ADAMTSL4: variants seen among roughly 807,000 people sequenced by gnomAD.
The protein encoded by ADAMTSL4 is ADAMTS like 4.
In ADAMTSL4, 97 loss-of-function variants were observed where a neutral mutation model predicts 122.8. The ratio of observed to expected loss-of-function variants is 0.79; its 90% CI spans 0.67 to 0.93. The LOEUF is 0.93. ADAMTSL4 is among the 40% of genes least tolerant of loss of function. The pLI, the probability that ADAMTSL4 is intolerant of heterozygous loss-of-function variation, is 0.00. For synonymous variants in ADAMTSL4, 592 were observed against 568.0 expected (o/e 1.04, Z -0.60); for missense variants, 1,408 against 1,453.5 (o/e 0.97, Z 0.51).
In ADAMTSL4 at chr1:150,554,516, T is replaced by G; in HGVS notation, c.1234+49T>G. The G allele has an allele frequency of 6.2e-7, 1 of 1,611,640 alleles. No homozygotes were observed. ...GGCAGTGGTGGCTTGGAATTGGGGA[T>G]GAAGGGGAGAGGAGATACCTGCTTA... On this transcript the variant is annotated intron_variant, in intron 7 of 18. Coordinates refer to ENST00000271643, the MANE Select transcript of ADAMTSL4 (RefSeq NM_019032.6). The surrounding 1 kb of genome is among the most constrained non-coding windows in gnomAD (Gnocchi z 4.0).
chr1:150,556,364 T>A lies in ADAMTSL4; in HGVS notation c.1574T>A (p.Leu525Gln). The A allele has an allele frequency of 6.2e-7, 1 of 1,613,860 alleles. No homozygotes were observed. ...CAGCTCCGGCCTAGCTCCAACTACC[T>A]GGGTGAGCACCCAGCTGCCTCCCCT... Reference protein sequence around the residue: ...IAQLRPSSNYLALRGPGGRSI... With the variant: ...IAQLRPSSNYQALRGPGGRSI... The change falls in exon 9 of 19, where the codon CTG becomes CAG. Residue 525 changes from leucine to glutamine, a missense_variant and splice_region_variant. Leu to Gln is a moderately radical substitution (Grantham distance 113). Transcript: ENST00000271643. The surrounding 1 kb of genome is among the most constrained non-coding windows in gnomAD (Gnocchi z 4.1).
Position 150,553,903 on chromosome 1 carries a change from G to C in ADAMTSL4, c.912G>C (p.Ser304=). ...VAGRRPDPFP[S]VPRGRGQQGQ... Reference sequence around the variant, plus strand: ...GGAGACGCCCTGATCCTTTTCCTTCGGTCCCTCGGGGCCGAGGCCAGCAGG... The same window carrying C: ...GGAGACGCCCTGATCCTTTTCCTTCCGTCCCTCGGGGCCGAGGCCAGCAGG... The change falls in exon 6 of 19, where the codon TCG becomes TCC. Residue 304 remains serine (S), a synonymous_variant. Coordinates refer to ENST00000271643, the MANE Select transcript of ADAMTSL4 (RefSeq NM_019032.6). 1.9e-6 allele frequency: 3 copies of C among 1,612,826 alleles called. No homozygotes were observed. The highest frequency in any genetic ancestry group is 2.5e-6 in the Non-Finnish European group (3 of 1,179,602).
rs755089309 is a variant in ADAMTSL4 at position 150,559,721 on chromosome 1, G to C, written c.2944-40G>C. 4 of 1,613,430 alleles carry C rather than the reference G, an allele frequency of 2.5e-6. No individual in the cohort carries two copies. In the South Asian group the frequency reaches 4.4e-5, roughly 18 times the overall value. On this transcript the variant is annotated intron_variant, in intron 17 of 18. Transcript: ENST00000271643. The surrounding 1 kb of genome is among the most constrained non-coding windows in gnomAD (Gnocchi z 4.1). ...AGCCAGGGGTTAAGGAGAATCCCGGGCCTGGCAAAGGTCTGATATGATGGC... is the reference window on the plus strand; with the variant it reads ...AGCCAGGGGTTAAGGAGAATCCCGGCCCTGGCAAAGGTCTGATATGATGGC...
chr1:150,558,895 C>G (rs587751688), intron 15 of ADAMTSL4, 67 bp from the exon 16 acceptor site: 26 of 1,545,350 alleles, frequency 1.7e-5, no homozygotes, highest in Non-Finnish European at 2.2e-5. Flanking sequence ...TCCCTCCCTG[C>G]CCCCCTACTG....
At position 150,553,900 on chromosome 1, in the gene ADAMTSL4, T is replaced by C. The variant is rs765562631; in HGVS notation, c.909T>C (p.Pro303=). 5.0e-6 allele frequency: 8 copies of C among 1,613,376 alleles called. No individual in the cohort carries two copies. In the African/African-American group the frequency reaches 1.1e-4, roughly 22 times the overall value. The stretch of plus-strand genomic sequence containing the variant: ...CAGGGAGACGCCCTGATCCTTTTCC[T>C]TCGGTCCCTCGGGGCCGAGGCCAGC... ...QVAGRRPDPF[P]SVPRGRGQQG... is the part of the protein sequence containing the mutation. Residue 303 remains proline (P), a synonymous_variant, in exon 6 of 19, where the codon CCT becomes CCC. Coordinates refer to ENST00000271643, the MANE Select transcript of ADAMTSL4 (RefSeq NM_019032.6).
intron 12 of ADAMTSL4, 56 bp downstream of exon 12, chr1:150,557,391 C>T: frequency 6.2e-7 from 1 of 1,602,984 alleles, no homozygotes; most frequent in East Asian, 2.3e-5. Context: ...AACTGACACT[C>T]CCGCATCCTG....
rs587603047 is a variant in ADAMTSL4, at chr1:150,557,371, C to T, written c.2047+36C>T. 3 of 1,602,162 alleles carry T rather than the reference C, an allele frequency of 1.9e-6. No homozygotes were observed. In the South Asian group the frequency reaches 3.4e-5, roughly 18 times the overall value. On this transcript the variant is annotated intron_variant, in intron 12 of 18. Coordinates refer to ENST00000271643, the MANE Select transcript of ADAMTSL4 (RefSeq NM_019032.6). ...ACAGTGCGTTCCCCGCATCTCGGTCCAAACCCCCCAACTGACACTCCCGCA... is the reference window on the plus strand; with the variant it reads ...ACAGTGCGTTCCCCGCATCTCGGTCTAAACCCCCCAACTGACACTCCCGCA...
chr1:150,559,591 T>C lies in ADAMTSL4; in HGVS notation c.2943+125T>C, dbSNP rs1421810342. 6.4e-7 allele frequency: 1 copy of C among 1,554,448 alleles called. No individual in the cohort carries two copies. The highest frequency in any genetic ancestry group is 2.3e-5 in the East Asian group (1 of 44,378). On this transcript the variant is annotated intron_variant, in intron 17 of 18. Transcript: ENST00000271643. The surrounding 1 kb of genome is among the most constrained non-coding windows in gnomAD (Gnocchi z 4.1). ...AATAAGCCCAGCCAAGCGTTACCAC[T>C]GTCCTACTTCTTATAGACTTGGAGG...
At position 150,549,922 on chromosome 1, in the gene ADAMTSL4, C is replaced by T. The variant is rs923277085; in HGVS notation, c.-85+27C>T. Reference sequence around the variant, plus strand: ...TGGGTGCCCTTGATCCAGCTCAGCCCGATGGCAGAAGAGGTTGACAAAAAA... The same window carrying T: ...TGGGTGCCCTTGATCCAGCTCAGCCTGATGGCAGAAGAGGTTGACAAAAAA... On this transcript the variant is annotated intron_variant, in intron 2 of 18. Coordinates refer to ENST00000271643, the MANE Select transcript of ADAMTSL4 (RefSeq NM_019032.6). The surrounding 1 kb of genome is among the most constrained non-coding windows in gnomAD (Gnocchi z 5.0). 3 of 244,274 alleles carry T rather than the reference C, an allele frequency of 1.2e-5. No individual in the cohort carries two copies. Among genetic ancestry groups the T allele is most frequent in the East Asian group, 1.1e-4 (1 of 9,184 alleles). The allele number at this position is 244,274 out of a possible 1,614,324, so 15.1% of individuals were successfully genotyped here.
rs767843679 is a variant in ADAMTSL4, at chr1:150,556,453, G to T, written c.1576+87G>T. The T allele has an allele frequency of 3.3e-4, 527 of 1,579,626 alleles. No homozygotes were observed. Among genetic ancestry groups the T allele is most frequent in the Non-Finnish European group, 4.1e-4 (472 of 1,155,204 alleles). ...CAGAGCAGTGAGCAAGCCAAACAGG[G>T]GGAAGTCCAGGGCCTAGCCCCTCCC... On this transcript the variant is annotated intron_variant, in intron 9 of 18. Transcript: ENST00000271643. The surrounding 1 kb of genome is among the most constrained non-coding windows in gnomAD (Gnocchi z 4.1).
Position 150,556,957 on chromosome 1 carries a change from A to T in ADAMTSL4, c.1768A>T (p.Asn590Tyr), listed in dbSNP as rs899116015. 6.2e-7 allele frequency: 1 copy of T among 1,613,902 alleles called. No homozygotes were observed. The highest frequency in any genetic ancestry group is 1.3e-5 in the African/African-American group (1 of 74,840). ...VDVYMIFQEE[N>Y]PGVFYQYVIS... ...TCCCCAGATGATCTTTCAGGAGGAA[A>T]ACCCAGGCGTTTTTTATCAGTATGT... is the stretch of plus-strand genomic sequence containing the variant. The change falls in exon 11 of 19, where the codon AAC (asparagine) becomes TAC (tyrosine). Residue 590 changes from asparagine to tyrosine, a missense_variant. Asn to Tyr is a moderately radical substitution (Grantham distance 143, BLOSUM62 -2). Coordinates refer to ENST00000271643, the MANE Select transcript of ADAMTSL4 (RefSeq NM_019032.6). The surrounding 1 kb of genome is among the most constrained non-coding windows in gnomAD (Gnocchi z 4.1).
intron 2 of ADAMTSL4, chr1:150,551,147 G>A (rs1240032362): frequency 2.7e-6 from 1 of 376,062 alleles, no homozygotes; most frequent in African/African-American, 2.1e-5. Flanking sequence ...AACTTCAGAT[G>A]GACTTCCCGG....
chr1:150,553,313 A>AC, intron 5 of ADAMTSL4, 60 bp downstream of exon 5: 1 of 1,607,192 alleles, frequency 6.2e-7, no homozygotes, highest in Non-Finnish European at 8.5e-7. Context: ...GCATGAAGGA[A>AC]AGGGGAGCAC....
rs369767117 is a variant in ADAMTSL4 at position 150,552,332 on chromosome 1, G to A, written c.20+24G>A. ...AGGTGAGAGAAGGGGCCACGGGTTG[G>A]GGGGGAGGAAAAGGGGAGGTGCTGG... On this transcript the variant is annotated intron_variant, in intron 3 of 18. Transcript: ENST00000271643. The surrounding 1 kb of genome is among the most constrained non-coding windows in gnomAD (Gnocchi z 4.0). The A allele has an allele frequency of 2.0e-5, 31 of 1,554,676 alleles. No individual in the cohort carries two copies. Among genetic ancestry groups the A allele is most frequent in the South Asian group, 3.6e-5 (3 of 84,392 alleles).
Position 150,552,977 on chromosome 1 carries a change from G to C in ADAMTSL4, c.158G>C (p.Trp53Ser), listed in dbSNP as rs1472543846. The C allele has an allele frequency of 6.2e-7, 1 of 1,613,130 alleles. No homozygotes were observed. Among genetic ancestry groups the C allele is most frequent in the African/African-American group, 1.3e-5 (1 of 74,878 alleles). ...PEGVWGPWVQ[W>S]ASCSQPCGVG... is the part of the protein sequence containing the mutation. ...GGTGTCTGGGGACCTTGGGTCCAGT[G>C]GGCCTCTTGCTCCCAGCCCTGCGGG... The change falls in exon 5 of 19, where the codon TGG (tryptophan) becomes TCG (serine). Residue 53 changes from tryptophan to serine, a missense_variant. Coordinates refer to ENST00000271643, the MANE Select transcript of ADAMTSL4 (RefSeq NM_019032.6). This position sits in a 1 kb window ranked among gnomAD's most constrained non-coding sequence, Gnocchi z 4.0.
Position 150,553,977 on chromosome 1 carries a change from A to G in ADAMTSL4, c.986A>G (p.Glu329Gly), listed in dbSNP as rs776294342. The G allele has an allele frequency of 1.4e-5, 23 of 1,611,208 alleles. No individual in the cohort carries two copies. Among genetic ancestry groups the G allele is most frequent in the Non-Finnish European group, 1.7e-5 (20 of 1,179,296 alleles). The change falls in exon 6 of 19, where the codon GAG becomes GGG. Residue 329 changes from glutamate to glycine, a missense_variant. Glu to Gly is a moderately conservative substitution (Grantham distance 98). Coordinates refer to ENST00000271643, the MANE Select transcript of ADAMTSL4 (RefSeq NM_019032.6). ...GGGACTCCTCACGGGCCCCGCCTGG[A>G]GCCTGACCCTCAGCACCCGGGCGCC... ...TGGTPHGPRLEPDPQHPGAWL... is the reference protein window; with the variant it reads ...TGGTPHGPRLGPDPQHPGAWL...
At chr1:150,558,843 C>T (rs907098352) in intron 15 of ADAMTSL4, 119 bp from the exon 16 acceptor site, 52 of 1,537,892 alleles carry the variant, frequency 3.4e-5, no homozygotes, top group Middle Eastern at 1.8e-4. Context: ...GCCTGGTACC[C>T]GGGGACATTC....
At chr1:150,555,598 C>T in intron 8 of ADAMTSL4, 33 bp downstream of exon 8, 7 of 1,571,798 alleles carry the variant, frequency 4.5e-6, no homozygotes, top group Non-Finnish European at 6.0e-6. Context: ...TGCACACACA[C>T]ATGCATATGC....
rs1426622181 is a variant in ADAMTSL4, at chr1:150,560,311, CAGGTGACAGAGGGTGGCA to C, written c.*123_*140del. On this transcript the variant is annotated 3_prime_UTR_variant, in exon 19 of 19. Transcript: ENST00000271643. ...TCCCAGTCTCAGCAGGGATGTCCTC[CAGGTGACAGAGGGTGGCA>C]AGGTGACTGACACAAAGTGACTTTC... 1.3e-6 allele frequency: 2 copies of C among 1,485,698 alleles called. No homozygotes were observed. Among genetic ancestry groups the C allele is most frequent in the African/African-American group, 2.8e-5 (2 of 72,140 alleles). 92.0% of individuals were successfully genotyped at this position (1,485,698 alleles called of 1,614,324 possible).
Sources: allele counts gnomAD v4.1 joint callset, GRCh38; gene constraint gnomAD v4.1.1; non-coding constraint Gnocchi (gnomAD v3.1); transcripts MANE v1.5; gene names NCBI Gene and HGNC (gene_info 2026-07-23, HGNC 2026-07-21).